The following CNTN6 variants were observed in gnomAD, a reference collection of about 807,000 sequenced individuals.
CNTN6 encodes the protein contactin 6, also known as contactin-6.
In CNTN6, 137 loss-of-function variants were observed where a neutral mutation model predicts 122.8. The ratio of observed to expected loss-of-function variants is 1.12; its 90% CI spans 0.97 to 1.29. The LOEUF (loss-of-function observed/expected upper bound fraction) is 1.29, where lower values mean the gene tolerates loss of function less well. Ranked by LOEUF, CNTN6 falls within the 50% of genes most tolerant of loss-of-function variation. CNTN6 has a pLI of 0.00. For synonymous variants in CNTN6, 570 were observed against 426.0 expected, an observed-to-expected ratio of 1.34 and a Z score of -4.16; for missense variants, 1,634 against 1,223.4, an observed-to-expected ratio of 1.34 and a Z score of -5.01.
intron 1 of CNTN6, among the ~76,000 whole-genome samples, chr3:1,138,049 C>A (rs372097208): frequency 5.9e-5 from 9 of 152,198 alleles, no homozygotes; most frequent in African/African-American, 1.9e-4. Flanking sequence ...TAAACATACT[C>A]ATTTCTTTTC....
intron 7 of CNTN6, among the ~76,000 whole-genome samples, chr3:1,306,494 C>T (rs1698376995): frequency 6.6e-6 from 1 of 152,144 alleles, no homozygotes; most frequent in African/African-American, 2.4e-5. Context: ...AATAATTTAT[C>T]AGTGAATTTA....
intron 5 of CNTN6, among the ~76,000 whole-genome samples, chr3:1,289,920 C>T (rs551598322): frequency 1.6e-3 from 243 of 152,216 alleles, no homozygotes; most frequent in Middle Eastern, 3.4e-3. Context: ...GTGATCCGCC[C>T]GCCTCGGCCT....
intron 2 of CNTN6, among the ~76,000 whole-genome samples, chr3:1,170,259 A>G (rs1281702136): frequency 7.5e-6 from 1 of 133,148 alleles, no homozygotes; most frequent in Non-Finnish European, 1.6e-5. Context: ...AAAAAAAAAA[A>G]AAAAGCAATA....
chr3:1,347,970 T>C (rs1260570818), intron 11 of CNTN6, among the ~76,000 whole-genome samples: 1 of 151,792 alleles, frequency 6.6e-6, no homozygotes, highest in Non-Finnish European at 1.5e-5. Flanking sequence ...TCTTCTTTCC[T>C]TGTTTATTCC....
At chr3:1,294,027 C>T (rs566242581) in intron 5 of CNTN6, among the ~76,000 whole-genome samples, 17 of 152,272 alleles carry the variant, frequency 1.1e-4, no homozygotes, top group Admixed American at 7.9e-4. Flanking sequence ...TAAACTGATA[C>T]AACCACTTTA....
At chr3:1,258,341 A>G (rs1405946863) in intron 4 of CNTN6, among the ~76,000 whole-genome samples, 1 of 152,130 alleles carries the variant, frequency 6.6e-6, no homozygotes, top group African/African-American at 2.4e-5. Flanking sequence ...TGCTGCTGCT[A>G]CTTCTTAGTG....
chr3:1,285,580 T>G (rs960335353), intron 5 of CNTN6, among the ~76,000 whole-genome samples: 3 of 152,188 alleles, frequency 2.0e-5, no homozygotes, highest in Non-Finnish European at 2.9e-5. Flanking sequence ...GCATTTGCAA[T>G]ACTTCAACGC....
chr3:1,320,050 A>C (rs1700636652), intron 7 of CNTN6, among the ~76,000 whole-genome samples: 2 of 151,628 alleles, frequency 1.3e-5, no homozygotes, highest in African/African-American at 4.8e-5. Context: ...TATGCCATAA[A>C]ATGAATGAAA....
rs1033694695 is a variant in CNTN6, at chr3:1,372,485, G to A, written c.1668+11G>A. 5 of 1,593,266 alleles carry A rather than the reference G, an allele frequency of 3.1e-6. No homozygotes were observed. Among genetic ancestry groups the A allele is most frequent in the Non-Finnish European group, 4.3e-6 (5 of 1,171,134 alleles). On this transcript the variant is annotated intron_variant, in intron 13 of 22. Transcript: ENST00000446702. ...GAAAGGATTGGAGGAGTAAGTTACT[G>A]AAATTGTTAAGTGCTTAATAAAATG...
intron 4 of CNTN6, among the ~76,000 whole-genome samples, chr3:1,250,067 CT>C (rs1233275135): frequency 2.0e-5 from 3 of 152,094 alleles, no homozygotes; most frequent in African/African-American, 7.2e-5. Context: ...TGATATTCCT[CT>C]TTGGCAAGTC....
rs747798018 is a variant in CNTN6, at chr3:1,329,880, C to T, written c.1309C>T (p.Pro437Ser). The T allele has an allele frequency of 1.2e-6, 2 of 1,610,296 alleles. No individual in the cohort carries two copies. Among genetic ancestry groups the T allele is most frequent in the Non-Finnish European group, 1.7e-6 (2 of 1,177,762 alleles). Residue 437 changes from proline (P) to serine (S), a missense_variant, in exon 11 of 23, where the codon CCC becomes TCC. By Grantham distance (74) the Pro-to-Ser change is moderately conservative (BLOSUM62 -1). Coordinates refer to ENST00000446702, the MANE Select transcript of CNTN6 (RefSeq NM_001289080.2). The stretch of plus-strand genomic sequence containing the variant: ...TATCGGATGCAAACCAAATGCTTTT[C>T]CCAGGGCAGCTATCTCTTGGAAAAG... The part of the protein sequence containing the change: ...IVIGCKPNAF[P>S]RAAISWKRGT...
intron 5 of CNTN6, among the ~76,000 whole-genome samples, chr3:1,288,477 T>C (rs1694730659): frequency 6.6e-6 from 1 of 152,182 alleles, no homozygotes; most frequent in African/African-American, 2.4e-5. Flanking sequence ...CAAGAGTCAG[T>C]CACATTTAAC....
chr3:1,300,525 G>A (rs1047054262), intron 7 of CNTN6, among the ~76,000 whole-genome samples: 12 of 126,854 alleles, frequency 9.5e-5, no homozygotes, highest in Admixed American at 2.3e-4. Context: ...AAGAAAGAAA[G>A]ATAAAGAAAG....
intron 2 of CNTN6, among the ~76,000 whole-genome samples, chr3:1,153,410 ATT>A (rs1483464210): frequency 6.6e-6 from 1 of 152,186 alleles, no homozygotes; most frequent in Non-Finnish European, 1.5e-5. Context: ...TGCAGCCATC[ATT>A]TTTATGTAAT....
chr3:1,214,272 C>T, intron 2 of CNTN6, among the ~76,000 whole-genome samples: 1 of 128,610 alleles, frequency 7.8e-6, no homozygotes, highest in East Asian at 2.6e-4. Flanking sequence ...TTTTAATGTT[C>T]AAATTGTTCA....
At chr3:1,109,780 TAC>T (rs1415456266) in intron 1 of CNTN6, among the ~76,000 whole-genome samples, 1 of 152,130 alleles carries the variant, frequency 6.6e-6, no homozygotes, top group African/African-American at 2.4e-5. Flanking sequence ...TCTATTTATA[TAC>T]ACACTCATAT....
At chr3:1,267,523 C>G (rs11715823) in intron 4 of CNTN6, among the ~76,000 whole-genome samples, 26,805 of 151,940 alleles carry the variant, frequency 0.18, 2,637 homozygotes, top group South Asian at 0.35. Flanking sequence ...GCCCCTCTCA[C>G]GGTACACCTC....
chr3:1,312,891 A>G (rs972886845), intron 7 of CNTN6, among the ~76,000 whole-genome samples: 1 of 151,936 alleles, frequency 6.6e-6, no homozygotes, highest in Non-Finnish European at 1.5e-5. Flanking sequence ...GTTCATCTAC[A>G]AAATGTGAAC....
At chr3:1,179,016 A>G (rs972271953) in intron 2 of CNTN6, among the ~76,000 whole-genome samples, 3 of 152,180 alleles carry the variant, frequency 2.0e-5, no homozygotes, top group Non-Finnish European at 1.5e-5. Context: ...AGGCTGTACA[A>G]GAAGCACGGT....
Sources: allele counts gnomAD v4.1 joint callset (sites outside exome capture counted in the v4.1 genomes callset), GRCh38; gene constraint gnomAD v4.1.1; transcripts MANE v1.5; gene names NCBI Gene and HGNC (gene_info 2026-07-23, HGNC 2026-07-21).